CACNA1C: variants seen among roughly 807,000 people sequenced by gnomAD.
CACNA1C encodes the protein calcium voltage-gated channel subunit alpha1 C, also known as voltage-dependent L-type calcium channel subunit alpha-1C.
CACNA1C carries 30 observed loss-of-function variants against 229.0 expected under a neutral mutation model. The ratio of observed to expected loss-of-function variants is 0.13; its 90% CI spans 0.10 to 0.18. The LOEUF is 0.18. CACNA1C is among the 10% of genes least tolerant of loss of function. The pLI is 1.00. For synonymous variants in CACNA1C, 1,114 were observed against 1,132.5 expected (o/e 0.98, Z 0.33); for missense variants, 1,658 against 2,845.0 (o/e 0.58, Z 9.49).
chr12:2,550,554 A>G, intron 10 of CACNA1C: 12 of 1,351,746 alleles, frequency 8.9e-6, no homozygotes, highest in Non-Finnish European at 1.2e-5. Flanking sequence ...TAAGGGAAGC[A>G]GAAGTGCAGT....
In CACNA1C at chr12:2,067,431, A is replaced by G. The variant is rs2059667278; in HGVS notation, c.49+13820A>G. Among the ~76,000 whole-genome samples the G allele has an allele frequency of 6.8e-6, 1 of 146,310 alleles. No individual in the cohort carries two copies. The highest frequency in any genetic ancestry group is 2.2e-4 in the South Asian group (1 of 4,570). The stretch of plus-strand genomic sequence containing the variant: ...GGCAGTTTAAGGATGTGGGCTTAGG[A>G]CTGTGGACTAGGATGCACGTGTGTG... On this transcript the variant is annotated intron_variant, in intron 1 of 46. Coordinates refer to ENST00000399655, the MANE Select transcript of CACNA1C (RefSeq NM_000719.7). This position sits in a 1 kb window ranked among gnomAD's most constrained non-coding sequence, Gnocchi z 5.3.
chr12:2,173,863 G>A (rs754439449), intron 3 of CACNA1C, among the ~76,000 whole-genome samples: 1 of 152,072 alleles, frequency 6.6e-6, no homozygotes, highest in Non-Finnish European at 1.5e-5. Context: ...TGATGATGGG[G>A]AGCCCTGTGA....
chr12:2,478,256 C>T lies in CACNA1C; in HGVS notation c.758-7848C>T, dbSNP rs540930792. On this transcript the variant is annotated intron_variant, in intron 5 of 46. Coordinates refer to ENST00000399655, the MANE Select transcript of CACNA1C (RefSeq NM_000719.7). ...GGCATAATTCTTAGGAATATTATCA[C>T]TGAGGATAACCCCCATGCAGGCAAA... 4.6e-5 allele frequency among the ~76,000 whole-genome samples: 7 copies of T among 152,292 alleles called. No individual in the cohort carries two copies. In the South Asian group the frequency reaches 1.5e-3, roughly 32 times the overall value.
intron 3 of CACNA1C, among the ~76,000 whole-genome samples, chr12:2,394,411 G>A (rs949452014): frequency 5.9e-5 from 9 of 152,208 alleles, no homozygotes; most frequent in Non-Finnish European, 8.8e-5. Flanking sequence ...TTCAAGGGAA[G>A]ATGTAGAATA....
At chr12:1,997,813 T>C in intron 1 of CACNA1C, 3 of 834,066 alleles carry the variant, frequency 3.6e-6, no homozygotes, top group Admixed American at 2.8e-5. Flanking sequence ...ATTTCAAAAC[T>C]GAGATTTAAT....
In CACNA1C at chr12:2,354,458, G is replaced by A. The variant is rs1477816506; in HGVS notation, c.478-94518G>A. On this transcript the variant is annotated intron_variant, in intron 3 of 46. Coordinates refer to ENST00000399655, the MANE Select transcript of CACNA1C (RefSeq NM_000719.7). The surrounding 1 kb of genome is among the most constrained non-coding windows in gnomAD (Gnocchi z 4.6). ...CTATGACTGCAGCCTGTAGGGAAAC[G>A]CCGGGAGGAACAGGAGACTGTTGAG... 6.6e-6 allele frequency among the ~76,000 whole-genome samples: 1 copy of A among 152,260 alleles called. No homozygotes were observed. The highest frequency in any genetic ancestry group is 2.4e-5 in the African/African-American group (1 of 41,550).
rs1566519226 is a variant in CACNA1C at position 2,226,135 on chromosome 12, AC to A, written c.477+105706del. 6.5e-5 allele frequency among the ~76,000 whole-genome samples: 8 copies of A among 123,590 alleles called. No individual in the cohort carries two copies. In the South Asian group the frequency reaches 7.8e-4, roughly 12 times the overall value. 81.1% of individuals were successfully genotyped at this position (123,590 alleles called of 152,430 possible). On this transcript the variant is annotated intron_variant, in intron 3 of 46. Coordinates refer to ENST00000399655, the MANE Select transcript of CACNA1C (RefSeq NM_000719.7). The stretch of plus-strand genomic sequence containing the variant: ...TGGATATGGGGACGCGCACACACAC[AC>A]ACACACACACACACACACACACACA...
At chr12:2,182,839 G>T (rs1281733223) in intron 3 of CACNA1C, among the ~76,000 whole-genome samples, 2 of 152,098 alleles carry the variant, frequency 1.3e-5, no homozygotes, top group African/African-American at 2.4e-5. Flanking sequence ...AGGGGCGCGT[G>T]TGCAGACATC....
chr12:2,561,600 G>T (rs1354688408), intron 11 of CACNA1C, among the ~76,000 whole-genome samples: 1 of 152,252 alleles, frequency 6.6e-6, no homozygotes, highest in Non-Finnish European at 1.5e-5. Context: ...GGGCAGGACA[G>T]ACAGGATGAA....
At chr12:2,195,734 C>T (rs181446807) in intron 3 of CACNA1C, among the ~76,000 whole-genome samples, 275 of 152,276 alleles carry the variant, frequency 1.8e-3, no homozygotes, top group African/African-American at 6.4e-3. Flanking sequence ...CTCTAGCTCT[C>T]GCTCTGCACC....
chr12:2,556,439 C>A (rs919421007), intron 10 of CACNA1C, among the ~76,000 whole-genome samples: 1 of 152,248 alleles, frequency 6.6e-6, no homozygotes, highest in African/African-American at 2.4e-5. Flanking sequence ...CTTAGGCCTC[C>A]TCTGCAGCTC....
intron 3 of CACNA1C, among the ~76,000 whole-genome samples, chr12:2,185,952 A>G (rs1038383817): frequency 1.3e-5 from 2 of 151,512 alleles, no homozygotes; most frequent in Non-Finnish European, 2.9e-5. Flanking sequence ...CCCAATGCAC[A>G]CTTGTAGCCT....
chr12:2,132,537 G>T (rs2092482644), intron 3 of CACNA1C, among the ~76,000 whole-genome samples: 1 of 31,540 alleles, frequency 3.2e-5, no homozygotes. Context: ...TTTGTCAAAG[G>T]CTTTTTCTGC....
chr12:2,556,898 T>C (rs1274045222), intron 10 of CACNA1C, 53 bp from the exon 11 acceptor site: 3 of 1,524,406 alleles, frequency 2.0e-6, no homozygotes, highest in Middle Eastern at 1.7e-4. Context: ...TGACCGTCTT[T>C]TAAATGCACG....
At position 2,679,659 on chromosome 12, in the gene CACNA1C, C is replaced by T. The variant is rs530924728; in HGVS notation, c.5307C>T (p.Asn1769=). Residue 1769 remains asparagine, a synonymous_variant, in exon 42 of 47, where the codon AAC becomes AAT. Coordinates refer to ENST00000399655, the MANE Select transcript of CACNA1C (RefSeq NM_000719.7). The surrounding 1 kb of genome is among the most constrained non-coding windows in gnomAD (Gnocchi z 5.5). ...CCGGCTCCAACGCCAACATCAACAA[C>T]GCCAACAACACCGCCCTGGGTCGCC... ...SSTGSNANIN[N]ANNTALGRLP... 3.4e-5 allele frequency: 55 copies of T among 1,613,858 alleles called. No homozygotes were observed. Among genetic ancestry groups the T allele is most frequent in the African/African-American group, 4.0e-5 (3 of 75,046 alleles).
At chr12:2,102,453 C>T (rs192875546) in intron 1 of CACNA1C, among the ~76,000 whole-genome samples, 73 of 152,314 alleles carry the variant, frequency 4.8e-4, no homozygotes, top group African/African-American at 1.5e-3. Flanking sequence ...TCTGGGTCCC[C>T]TCAGTGTGGT....
At chr12:2,374,040 G>A (rs1322128122) in intron 3 of CACNA1C, among the ~76,000 whole-genome samples, 1 of 152,192 alleles carries the variant, frequency 6.6e-6, no homozygotes, top group African/African-American at 2.4e-5. Flanking sequence ...AAGGGACCTG[G>A]CCCACATCAC....
At chr12:2,525,713 G>T (rs542274552) in intron 9 of CACNA1C, among the ~76,000 whole-genome samples, 2 of 152,264 alleles carry the variant, frequency 1.3e-5, no homozygotes, top group Non-Finnish European at 2.9e-5. Flanking sequence ...CCAAACATAG[G>T]CTTTGATGGC....
chr12:2,277,456 C>T lies in CACNA1C; in HGVS notation c.477+157026C>T, dbSNP rs148340048. Among the ~76,000 whole-genome samples, 1,293 of 150,638 alleles carry T rather than the reference C, an allele frequency of 8.6e-3. 21 individuals are homozygous for T. The highest frequency in any genetic ancestry group is 0.03 in the African/African-American group (1,231 of 40,730). On this transcript the variant is annotated intron_variant, in intron 3 of 46. Coordinates refer to ENST00000399655, the MANE Select transcript of CACNA1C (RefSeq NM_000719.7). ...AGGGCTGATAGGGAAGAGGACTTCT[C>T]TTCTTGATTCTCCATAGCTGTTTCC...
Sources: gnomAD v4.1 joint callset for allele counts (sites outside exome capture counted in the v4.1 genomes callset) on GRCh38, gnomAD v4.1.1 for gene constraint, Gnocchi (gnomAD v3.1) non-coding constraint, MANE v1.5 for transcripts, NCBI Gene and HGNC (gene_info 2026-07-23, HGNC 2026-07-21) for gene names.